The following SPAG17 variants were observed in gnomAD, a reference collection of about 807,000 sequenced individuals.
The protein encoded by SPAG17 is sperm-associated antigen 17.
In SPAG17, 169 loss-of-function variants were observed where a neutral mutation model predicts 273.6. The ratio of observed to expected loss-of-function variants is 0.62; its 90% CI spans 0.55 to 0.70. The LOEUF (loss-of-function observed/expected upper bound fraction) is 0.70. Among genes scored for constraint, SPAG17 ranks in the 30% least tolerant of loss-of-function variants. The probability of loss-of-function intolerance (pLI) is 0.00; values close to 1 mark genes in which losing one functional copy is unlikely to be tolerated. For synonymous variants in SPAG17, 825 were observed against 873.2 expected (o/e 0.94, Z 0.97); for missense variants, 2,557 against 2,627.8 (o/e 0.97, Z 0.59).
At chr1:118,011,783 AGT>A (rs1557904171) in intron 30 of SPAG17, among the ~76,000 whole-genome samples, 1 of 152,040 alleles carries the variant, frequency 6.6e-6, no homozygotes, top group African/African-American at 2.4e-5. Flanking sequence ...CACAGTGAGG[AGT>A]GTGTTGGAGA....
chr1:118,059,197 C>A (rs1652015010), intron 18 of SPAG17, among the ~76,000 whole-genome samples: 1 of 152,084 alleles, frequency 6.6e-6, no homozygotes, highest in South Asian at 2.1e-4. Context: ...TTGATCTCTT[C>A]ATATTACCAT....
chr1:117,975,217 G>A (rs551156842), intron 43 of SPAG17, among the ~76,000 whole-genome samples: 60 of 152,232 alleles, frequency 3.9e-4, no homozygotes, highest in African/African-American at 1.3e-3. Context: ...GTGGAGGCAG[G>A]GGGGATGTGG....
chr1:118,036,538 A>T (rs907772648), intron 24 of SPAG17: 16 of 225,940 alleles, frequency 7.1e-5, no homozygotes, highest in Admixed American at 6.4e-5. Context: ...ATGTCAAAGC[A>T]TTTTTATTTT....
chr1:117,971,556 T>C (rs771098458), intron 45 of SPAG17, among the ~76,000 whole-genome samples: 11 of 133,858 alleles, frequency 8.2e-5, no homozygotes, highest in Admixed American at 2.8e-4. Context: ...TGTAACACTT[T>C]TGTACAACCT....
At chr1:117,984,398 G>T (rs1223804394) in intron 41 of SPAG17, among the ~76,000 whole-genome samples, 2 of 152,180 alleles carry the variant, frequency 1.3e-5, no homozygotes, top group African/African-American at 4.8e-5. Flanking sequence ...GCCTAAAAAG[G>T]CTTAACATAG....
At chr1:118,058,392 G>C (rs569248141) in intron 18 of SPAG17, among the ~76,000 whole-genome samples, 2 of 152,208 alleles carry the variant, frequency 1.3e-5, no homozygotes, top group African/African-American at 4.8e-5. Flanking sequence ...ATTTTTTGTA[G>C]AGACAGGTTT....
chr1:118,129,551 T>C (rs1335917606), intron 3 of SPAG17, among the ~76,000 whole-genome samples: 1 of 152,162 alleles, frequency 6.6e-6, no homozygotes, highest in Non-Finnish European at 1.5e-5. Context: ...TAATAATGTA[T>C]TTAGCCCACA....
intron 48 of SPAG17, among the ~76,000 whole-genome samples, chr1:117,954,277 T>A (rs1651837693): frequency 6.6e-6 from 1 of 152,088 alleles, no homozygotes; most frequent in African/African-American, 2.4e-5. Flanking sequence ...TTGGTCTTAA[T>A]GAAAGCGAAG....
intron 40 of SPAG17, among the ~76,000 whole-genome samples, chr1:117,987,366 T>C (rs927408921): frequency 6.6e-6 from 1 of 152,176 alleles, no homozygotes; most frequent in Admixed American, 6.5e-5. Flanking sequence ...ATGTGTACAA[T>C]AGATAGTTTC....
chr1:118,059,852 C>T (rs1652097051), intron 18 of SPAG17, among the ~76,000 whole-genome samples: 1 of 152,068 alleles, frequency 6.6e-6, no homozygotes, highest in Non-Finnish European at 1.5e-5. Flanking sequence ...GAGTCTCTTG[C>T]AGGCAGAGTA....
intron 3 of SPAG17, among the ~76,000 whole-genome samples, chr1:118,119,181 TAG>T (rs746339186): frequency 6.6e-6 from 1 of 151,980 alleles, no homozygotes; most frequent in African/African-American, 2.4e-5. Context: ...ATATATAAGA[TAG>T]AGAGAGAGAG....
Position 117,983,880 on chromosome 1 carries a change from G to C in SPAG17, c.5803C>G (p.Pro1935Ala), listed in dbSNP as rs761106569. The C allele has an allele frequency of 2.5e-6, 4 of 1,612,068 alleles. No individual in the cohort carries two copies. In the East Asian group the frequency reaches 8.9e-5, roughly 36 times the overall value. The change falls in exon 42 of 49, where the codon CCT (proline) becomes GCT (alanine). Residue 1935 changes from proline to alanine, a missense_variant. Coordinates refer to ENST00000336338, the MANE Select transcript of SPAG17 (RefSeq NM_206996.4). Reference protein sequence around the residue: ...NHLDSLSKKLPSFTKKNEDAN... With the variant: ...NHLDSLSKKLASFTKKNEDAN... ...TCTTCATTTTTCTTTGTAAAAGAAG[G>C]CAGTTTTTTGGAAAGACTGTCCAGG... is the stretch of plus-strand genomic sequence containing the variant.
chr1:118,148,709 A>C (rs373758269), intron 3 of SPAG17, among the ~76,000 whole-genome samples: 2 of 152,226 alleles, frequency 1.3e-5, no homozygotes, highest in African/African-American at 4.8e-5. Context: ...CAACCATGCA[A>C]GATTCTAAAC....
Position 118,091,614 on chromosome 1 carries a change from G to C in SPAG17, c.1351C>G (p.Leu451Val). Residue 451 changes from leucine (L) to valine (V), a missense_variant, in exon 10 of 49, where the codon CTG becomes GTG. Coordinates refer to ENST00000336338, the MANE Select transcript of SPAG17 (RefSeq NM_206996.4). Reference protein sequence around the residue: ...ISVPLILHCMLEQVVATEEDL... With the variant: ...ISVPLILHCMVEQVVATEEDL... ...GGAAAAAGCCTCCCCACCTGTTCCA[G>C]CATACAATGCAGTATCAGGGGCACA... is the stretch of plus-strand genomic sequence containing the variant. The C allele has an allele frequency of 6.2e-7, 1 of 1,600,134 alleles. No individual in the cohort carries two copies.
chr1:117,964,034 C>A, intron 47 of SPAG17, 96 bp from the exon 48 acceptor site: 1 of 1,390,634 alleles, frequency 7.2e-7, no homozygotes, highest in Non-Finnish European at 9.8e-7. Flanking sequence ...TCTTCTCTGG[C>A]AACATCAGTT....
chr1:118,085,538 G>GCGCACA (rs553795598), intron 13 of SPAG17, among the ~76,000 whole-genome samples: 6 of 149,602 alleles, frequency 4.0e-5, no homozygotes, highest in African/African-American at 1.2e-4. Flanking sequence ...GTGCGCGCGC[G>GCGCACA]CACACACACA....
intron 1 of SPAG17, among the ~76,000 whole-genome samples, chr1:118,159,105 C>G (rs933395806): frequency 6.6e-6 from 1 of 152,214 alleles, no homozygotes; most frequent in Non-Finnish European, 1.5e-5. Flanking sequence ...ATCAGCCAAA[C>G]TCAGCACTTT....
intron 47 of SPAG17, 87 bp from the exon 48 acceptor site, chr1:117,964,025 C>A (rs1653471638): frequency 6.9e-7 from 1 of 1,446,484 alleles, no homozygotes; most frequent in African/African-American, 1.4e-5. Flanking sequence ...CATAGAATTT[C>A]TTCTCTGGCA....
At chr1:118,116,590 C>T (rs985471330) in intron 3 of SPAG17, among the ~76,000 whole-genome samples, 4 of 152,154 alleles carry the variant, frequency 2.6e-5, no homozygotes, top group Admixed American at 2.6e-4. Context: ...TGACTTGTTA[C>T]TTCGCCAAGG....
Sources: allele counts gnomAD v4.1 joint callset (sites outside exome capture counted in the v4.1 genomes callset), GRCh38; gene constraint gnomAD v4.1.1; transcripts MANE v1.5; gene names NCBI Gene and HGNC (gene_info 2026-07-23, HGNC 2026-07-21).